Variants in FAAH2 observed in about 807,000 individuals in gnomAD.
FAAH2 encodes the protein fatty-acid amide hydrolase 2.
Under a neutral mutation model 36.9 loss-of-function variants are expected in FAAH2, and 60 were observed. The observed-to-expected ratio is 1.63, with a 90% CI of 1.32 to 2.02. FAAH2 has a LOEUF of 2.02. Among genes scored for constraint, FAAH2 ranks in the 30% most tolerant of loss-of-function variants. The pLI, the probability that FAAH2 is intolerant of heterozygous loss-of-function variation, is 0.00. For missense variants in FAAH2, 689 were observed against 397.5 expected (o/e 1.73, Z -6.23); for synonymous variants, 214 against 143.8 (o/e 1.49, Z -3.49).
intron 8 of FAAH2, among the ~76,000 whole-genome samples, chrX:57,441,244 T>C (rs985437686): frequency 9.9e-4 from 110 of 111,473 alleles, no homozygotes; most frequent in African/African-American, 3.3e-3. Context: ...CTGGATTTTT[T>C]TTGTTGGTAG....
At chrX:57,443,327 A>G (rs144884974) in intron 8 of FAAH2, among the ~76,000 whole-genome samples, 1,515 of 111,356 alleles carry the variant, frequency 0.014, 12 homozygotes, top group Non-Finnish European at 0.018. Flanking sequence ...GTTTTTCTCT[A>G]AACTTCTGTT....
At chrX:57,273,640 A>G in the FAAH2 span, among the ~76,000 whole-genome samples, 1 of 111,947 alleles carries the variant, frequency 8.9e-6, no homozygotes, top group African/African-American at 3.3e-5. Flanking sequence ...TGGAAACTGA[A>G]CAACCTGCTT....
the FAAH2 span, among the ~76,000 whole-genome samples, chrX:57,164,029 A>T: frequency 2.7e-5 from 3 of 112,539 alleles, no homozygotes; most frequent in Non-Finnish European, 5.6e-5. Context: ...AGGGGCTCAA[A>T]GGACGGTAAT....
chrX:57,239,862 G>A, the FAAH2 span, among the ~76,000 whole-genome samples: 315 of 111,982 alleles, frequency 2.8e-3, no homozygotes, highest in African/African-American at 9.5e-3. Flanking sequence ...TTCTTGTAGT[G>A]AGTATTTCAG....
At chrX:57,486,781 T>G (rs1366239849) in intron 10 of FAAH2, among the ~76,000 whole-genome samples, 1 of 111,757 alleles carries the variant, frequency 8.9e-6, no homozygotes, top group Non-Finnish European at 1.9e-5. Flanking sequence ...GAGAGGGTGA[T>G]GCGAAATGAA....
chrX:57,469,674 A>G (rs1407462626), intron 10 of FAAH2, among the ~76,000 whole-genome samples: 5 of 111,731 alleles, frequency 4.5e-5, no homozygotes, highest in African/African-American at 1.6e-4. Context: ...CCCACTGTCA[A>G]CATTAGACAG....
intron 10 of FAAH2, among the ~76,000 whole-genome samples, chrX:57,486,188 G>C (rs1359836236): frequency 8.9e-6 from 1 of 111,993 alleles, no homozygotes; most frequent in East Asian, 2.8e-4. Flanking sequence ...GTGCTCTTAG[G>C]CTCGAGGAGG....
chrX:57,481,124 TAA>T (rs1379078170), intron 10 of FAAH2, among the ~76,000 whole-genome samples: 1 of 110,695 alleles, frequency 9.0e-6, no homozygotes, highest in East Asian at 2.8e-4. Context: ...GTTGGTTATT[TAA>T]GTTAGCATTT....
chrX:57,443,174 G>A (rs1423722472), intron 8 of FAAH2, among the ~76,000 whole-genome samples: 1 of 111,937 alleles, frequency 8.9e-6, no homozygotes, highest in African/African-American at 3.3e-5. Flanking sequence ...CTAGGTTCTT[G>A]AAGTTCTCCT....
At chrX:57,229,107 A>T in the FAAH2 span, 1 of 111,545 alleles carries the variant, frequency 9.0e-6, no homozygotes, top group African/African-American at 3.3e-5. Flanking sequence ...GAGGTAAAAA[A>T]AAAATAGAAT....
At chrX:57,320,683 G>T (rs914527962) in intron 3 of FAAH2, among the ~76,000 whole-genome samples, 4 of 112,547 alleles carry the variant, frequency 3.6e-5, no homozygotes, top group Admixed American at 9.4e-5. Flanking sequence ...ACACCCAAAA[G>T]ATTATATATC....
intron 2 of FAAH2, among the ~76,000 whole-genome samples, chrX:57,301,488 G>A (rs2052366857): frequency 9.5e-6 from 1 of 105,246 alleles, no homozygotes; most frequent in Non-Finnish European, 1.9e-5. Context: ...GGGATGGATA[G>A]CATTAGGAGA....
the FAAH2 span, among the ~76,000 whole-genome samples, chrX:57,139,034 C>T: frequency 8.9e-6 from 1 of 111,746 alleles, no homozygotes; most frequent in Non-Finnish European, 1.9e-5. Flanking sequence ...ATGATTGTTT[C>T]CTTTGCTGTG....
chrX:57,349,335 A>G (rs1311283968), intron 5 of FAAH2, among the ~76,000 whole-genome samples: 2 of 97,412 alleles, frequency 2.1e-5, no homozygotes, highest in East Asian at 3.1e-4. Context: ...ATACACATAT[A>G]TAATGTTTTA....
the FAAH2 span, among the ~76,000 whole-genome samples, chrX:57,130,837 G>A: frequency 3.6e-5 from 4 of 112,020 alleles, no homozygotes; most frequent in Non-Finnish European, 5.6e-5. Flanking sequence ...GGACATTAAA[G>A]CCACACTGAA....
chrX:57,232,899 C>T, the FAAH2 span, among the ~76,000 whole-genome samples: 1 of 112,402 alleles, frequency 8.9e-6, no homozygotes, highest in Non-Finnish European at 1.9e-5. Context: ...CCAGGGAGAT[C>T]TGTTACAGTA....
At chrX:57,431,474 G>A (rs939382987) in intron 7 of FAAH2, among the ~76,000 whole-genome samples, 1 of 111,782 alleles carries the variant, frequency 8.9e-6, no homozygotes, top group African/African-American at 3.2e-5. Flanking sequence ...ATTCCAGTTA[G>A]TATTCCAAGT....
chrX:57,289,849 G>A (rs1410180185), intron 1 of FAAH2, among the ~76,000 whole-genome samples: 2 of 110,252 alleles, frequency 1.8e-5, no homozygotes, highest in African/African-American at 3.3e-5. Context: ...GGGGAGAAGG[G>A]AATAAGGGAG....
chrX:57,299,473 T>C (rs1162977352), intron 2 of FAAH2, among the ~76,000 whole-genome samples: 9 of 111,225 alleles, frequency 8.1e-5, no homozygotes, highest in Non-Finnish European at 1.5e-4. Flanking sequence ...ATAAGAGCTA[T>C]CTATGACAAA....
Sources: gnomAD v4.1 joint callset for allele counts (sites outside exome capture counted in the v4.1 genomes callset) on GRCh38, gnomAD v4.1.1 for gene constraint, MANE v1.5 for transcripts, NCBI Gene and HGNC (gene_info 2026-07-23, HGNC 2026-07-21) for gene names.